Variants in GREB1L observed in about 807,000 individuals in gnomAD.
The protein encoded by GREB1L is GREB1 like retinoic acid receptor coactivator, also known as GREB1-like protein.
A neutral mutation model predicts 200.8 loss-of-function variants in GREB1L; 17 were observed. That is an observed-to-expected ratio of 0.08 (90% CI 0.06 to 0.13). The LOEUF (loss-of-function observed/expected upper bound fraction) is 0.13, where lower values mean the gene tolerates loss of function less well. Ranked by LOEUF, GREB1L falls within the 10% of genes least tolerant of loss-of-function variation. The pLI, the probability that GREB1L is intolerant of heterozygous loss-of-function variation, is 1.00. For missense variants in GREB1L, 1,657 were observed against 2,367.7 expected, an observed-to-expected ratio of 0.70 and a Z score of 6.23; for synonymous variants, 789 against 893.0, an observed-to-expected ratio of 0.88 and a Z score of 2.08.
rs59982674 is a variant in GREB1L, at chr18:21,428,332, C to CTTTTTTTTTTTTTTTTTTTT, written c.833-11182_833-11163dup. Reference sequence around the variant, plus strand: ...TTATTTTGGGTTTTTGTCTTTTTGTCTTTTTTTTTTTTTTTTTTTTTTTTT... The same window carrying CTTTTTTTTTTTTTTTTTTTT: ...TTATTTTGGGTTTTTGTCTTTTTGTCTTTTTTTTTTTTTTTTTTTTTTTTTTTTTTTTTTTTTTTTTTTTT... On this transcript the variant is annotated intron_variant, in intron 7 of 32. Transcript: ENST00000424526. Among the ~76,000 whole-genome samples, 55 of 54,038 alleles carry CTTTTTTTTTTTTTTTTTTTT rather than the reference C, an allele frequency of 1.0e-3. 2 individuals carry two copies. Among genetic ancestry groups the CTTTTTTTTTTTTTTTTTTTT allele is most frequent in the South Asian group, 1.7e-3 (2 of 1,164 alleles). The allele number at this position is 54,038 out of a possible 152,430, so 35.5% of individuals were successfully genotyped here.
At chr18:21,325,307 G>A (rs1567937388) in intron 1 of GREB1L, among the ~76,000 whole-genome samples, 1 of 152,102 alleles carries the variant, frequency 6.6e-6, no homozygotes, top group Non-Finnish European at 1.5e-5. Context: ...CAGATTAGCA[G>A]CATTATCTAC....
chr18:21,396,576 A>G (rs2041075752), intron 5 of GREB1L, among the ~76,000 whole-genome samples: 1 of 152,088 alleles, frequency 6.6e-6, no homozygotes, highest in East Asian at 1.9e-4. Flanking sequence ...GTTTTTCCAT[A>G]CCACTCATTC....
At chr18:21,247,959 C>T (rs1396622192) in intron 1 of GREB1L, among the ~76,000 whole-genome samples, 1 of 152,158 alleles carries the variant, frequency 6.6e-6, no homozygotes, top group East Asian at 1.9e-4. Context: ...AAGCACTGTT[C>T]TAGGGAGTAA....
intron 1 of GREB1L, among the ~76,000 whole-genome samples, chr18:21,362,928 A>G (rs1379337363): frequency 2.0e-5 from 3 of 152,214 alleles, no homozygotes; most frequent in Admixed American, 6.5e-5. Context: ...TTCCTTTGTT[A>G]GAAAAGAGCT....
At chr18:21,462,915 T>G (rs1219933132) in intron 15 of GREB1L, among the ~76,000 whole-genome samples, 6 of 152,196 alleles carry the variant, frequency 3.9e-5, no homozygotes, top group Admixed American at 1.3e-4. Flanking sequence ...CATATCACAT[T>G]GATAACATTA....
chr18:21,481,654 C>A (rs777052323), intron 17 of GREB1L, among the ~76,000 whole-genome samples: 2 of 151,754 alleles, frequency 1.3e-5, no homozygotes, highest in African/African-American at 4.8e-5. Flanking sequence ...TTCTAGGCAC[C>A]CCCACTAAAG....
chr18:21,385,693 T>G (rs765209592), intron 4 of GREB1L, among the ~76,000 whole-genome samples: 1 of 152,236 alleles, frequency 6.6e-6, no homozygotes. Context: ...TCCATCTTCA[T>G]GCCTTTTATT....
chr18:21,304,767 A>G (rs143131544), intron 1 of GREB1L, among the ~76,000 whole-genome samples: 1,799 of 152,274 alleles, frequency 0.012, 39 homozygotes, highest in African/African-American at 0.041. Context: ...GGTATTGTCA[A>G]TAACTGAGAG....
intron 1 of GREB1L, among the ~76,000 whole-genome samples, chr18:21,264,637 G>T (rs1254018911): frequency 6.6e-6 from 1 of 152,060 alleles, no homozygotes; most frequent in African/African-American, 2.4e-5. Flanking sequence ...CTAGTTCGAG[G>T]TAGAGGGGAA....
At chr18:21,488,908 C>T (rs1301514446) in intron 18 of GREB1L, among the ~76,000 whole-genome samples, 3 of 152,176 alleles carry the variant, frequency 2.0e-5, no homozygotes, top group African/African-American at 7.2e-5. Context: ...CCACCCACCT[C>T]GTCCTCCCAA....
chr18:21,294,590 G>C (rs1376185297), intron 1 of GREB1L, among the ~76,000 whole-genome samples: 1 of 151,420 alleles, frequency 6.6e-6, no homozygotes, highest in Admixed American at 6.6e-5. Context: ...CAATTGTTTA[G>C]TGGTTATTAT....
chr18:21,245,784 C>T (rs2037587898), intron 1 of GREB1L, among the ~76,000 whole-genome samples: 1 of 152,154 alleles, frequency 6.6e-6, no homozygotes, highest in Admixed American at 6.5e-5. Flanking sequence ...GTGGTGCGAT[C>T]TCCACTCACT....
chr18:21,516,880 T>TG (rs2037438228), intron 30 of GREB1L, 126 bp downstream of exon 30: 38 of 813,642 alleles, frequency 4.7e-5, no homozygotes, highest in Non-Finnish European at 6.1e-5. Flanking sequence ...CAAGGGAGTT[T>TG]TTTTTTTTTT....
intron 7 of GREB1L, among the ~76,000 whole-genome samples, chr18:21,411,738 A>G (rs555462691): frequency 1.3e-5 from 2 of 152,204 alleles, no homozygotes; most frequent in African/African-American, 4.8e-5. Flanking sequence ...GGAAACAACT[A>G]AAGTGTTCGT....
At chr18:21,288,985 C>G (rs1171113789) in intron 1 of GREB1L, among the ~76,000 whole-genome samples, 1 of 152,132 alleles carries the variant, frequency 6.6e-6, no homozygotes, top group Non-Finnish European at 1.5e-5. Context: ...ATCCACTCGC[C>G]TCGGCCTCCC....
intron 15 of GREB1L, among the ~76,000 whole-genome samples, chr18:21,462,234 A>T (rs1483435411): frequency 6.6e-6 from 1 of 152,228 alleles, no homozygotes; most frequent in Non-Finnish European, 1.5e-5. Flanking sequence ...TTTGCTTATG[A>T]TTCATTTGAA....
Position 21,250,166 on chromosome 18 carries a change from G to A in GREB1L, c.-120+7773G>A, listed in dbSNP as rs150236289. Reference sequence around the variant, plus strand: ...TGGGAGCAGATGGGGAGAGGTAAGCGAGGGAGCGAGTGGGGGATTAGGTCA... The same window carrying A: ...TGGGAGCAGATGGGGAGAGGTAAGCAAGGGAGCGAGTGGGGGATTAGGTCA... On this transcript the variant is annotated intron_variant, in intron 1 of 32. Transcript: ENST00000424526. 1.8e-3 allele frequency among the ~76,000 whole-genome samples: 274 copies of A among 152,270 alleles called. 1 individual carries two copies. The highest frequency in any genetic ancestry group is 6.4e-3 in the African/African-American group (265 of 41,540).
chr18:21,414,692 C>T (rs757408124), intron 7 of GREB1L, among the ~76,000 whole-genome samples: 23 of 151,954 alleles, frequency 1.5e-4, no homozygotes, highest in Non-Finnish European at 2.6e-4. Flanking sequence ...AAAATGCTCA[C>T]GTATGTCAGA....
intron 7 of GREB1L, among the ~76,000 whole-genome samples, chr18:21,413,376 T>C (rs1231089910): frequency 1.3e-5 from 2 of 152,200 alleles, no homozygotes; most frequent in African/African-American, 4.8e-5. Flanking sequence ...CTTTGTGTCC[T>C]CCTTTGGGCA....
Sources: gnomAD v4.1 joint callset for allele counts (sites outside exome capture counted in the v4.1 genomes callset) on GRCh38, gnomAD v4.1.1 for gene constraint, MANE v1.5 for transcripts, NCBI Gene and HGNC (gene_info 2026-07-23, HGNC 2026-07-21) for gene names.